Variants in EPHA4 observed in about 807,000 individuals in gnomAD.
EPHA4 encodes EPH receptor A4, also known as ephrin type-A receptor 4.
A neutral mutation model predicts 108.3 loss-of-function variants in EPHA4; 19 were observed. The observed-to-expected ratio is 0.18, with a 90% confidence interval of 0.12 to 0.26. The LOEUF is 0.26. Among genes scored for constraint, EPHA4 ranks in the 10% least tolerant of loss-of-function variants. The pLI, the probability that EPHA4 is intolerant of heterozygous loss-of-function variation, is 1.00. For missense variants in EPHA4, 917 were observed against 1,254.0 expected (o/e 0.73, Z 4.06); for synonymous variants, 449 against 455.5 (o/e 0.99, Z 0.18).
At chr2:221,549,235 T>C (rs1198441363) in intron 3 of EPHA4, among the ~76,000 whole-genome samples, 1 of 152,218 alleles carries the variant, frequency 6.6e-6, no homozygotes, top group Non-Finnish European at 1.5e-5. Flanking sequence ...AGCCAGTGAA[T>C]GTTTGTCCTC....
chr2:221,443,651 C>T (rs1690501453), intron 9 of EPHA4, 45 bp from the exon 10 acceptor site: 1 of 1,364,278 alleles, frequency 7.3e-7, no homozygotes, highest in Admixed American at 1.7e-5. Context: ...TCTAAGGAAC[C>T]ACTAATAAAC....
intron 3 of EPHA4, among the ~76,000 whole-genome samples, chr2:221,520,537 CACACACAGAG>C (rs1293541441): frequency 0.013 from 478 of 35,992 alleles, 1 homozygote; most frequent in African/African-American, 0.043. Context: ...CACACACACA[CACACACAGAG>C]AGAGAGAGAG....
rs541787651 is a variant in EPHA4 at position 221,481,316 on chromosome 2, C to T, written c.1318+1036G>A. On this transcript the variant is annotated intron_variant, in intron 5 of 17. Transcript: ENST00000281821. ...GATGTAGGAATTGGAGGAGACTGGC[C>T]GCCCCACCCTCCGCCCCACCCTCCC... is the stretch of plus-strand genomic sequence containing the variant. Among the ~76,000 whole-genome samples, 480 of 151,772 alleles carry T rather than the reference C, an allele frequency of 3.2e-3. 3 individuals carry two copies. The highest frequency in any genetic ancestry group is 0.011 in the African/African-American group (455 of 41,322).
intron 8 of EPHA4, among the ~76,000 whole-genome samples, chr2:221,446,732 G>A (rs888368659): frequency 5.9e-5 from 9 of 151,984 alleles, no homozygotes; most frequent in South Asian, 4.2e-4. Flanking sequence ...ATACTTTTGC[G>A]GTCACTGGTT....
chr2:221,541,245 T>C (rs73994301), intron 3 of EPHA4, among the ~76,000 whole-genome samples: 11 of 152,278 alleles, frequency 7.2e-5, no homozygotes, highest in African/African-American at 2.6e-4. Context: ...CCACTTTGCC[T>C]GGACTGAGAA....
intron 3 of EPHA4, among the ~76,000 whole-genome samples, chr2:221,524,680 T>G (rs1019271095): frequency 2.0e-5 from 3 of 152,212 alleles, no homozygotes; most frequent in East Asian, 1.9e-4. Flanking sequence ...GGTGCAAATA[T>G]GCTTTAACGG....
At chr2:221,498,734 C>T (rs1258670801) in intron 4 of EPHA4, among the ~76,000 whole-genome samples, 1 of 151,646 alleles carries the variant, frequency 6.6e-6, no homozygotes, top group Non-Finnish European at 1.5e-5. Context: ...CTGCCTCAGC[C>T]TCCCAAGTAG....
intron 2 of EPHA4, among the ~76,000 whole-genome samples, chr2:221,566,978 A>AGAAGAG (rs1317942311): frequency 8.9e-5 from 10 of 112,834 alleles, no homozygotes; most frequent in African/African-American, 2.5e-4. Flanking sequence ...AGGAAGAAGA[A>AGAAGAG]GAAGAAGAAG....
intron 5 of EPHA4, among the ~76,000 whole-genome samples, chr2:221,466,851 A>G (rs1691327776): frequency 2.0e-5 from 3 of 152,244 alleles, no homozygotes; most frequent in Admixed American, 2.0e-4. Context: ...ATTCTCAACC[A>G]CTGATCTACA....
chr2:221,483,618 C>T (rs1039889545), intron 4 of EPHA4, among the ~76,000 whole-genome samples: 2 of 151,628 alleles, frequency 1.3e-5, no homozygotes, highest in South Asian at 2.1e-4. Flanking sequence ...CAGGTTCAAG[C>T]GATTATCATG....
At chr2:221,532,272 G>A (rs1559282130) in intron 3 of EPHA4, among the ~76,000 whole-genome samples, 1 of 152,012 alleles carries the variant, frequency 6.6e-6, no homozygotes, top group Non-Finnish European at 1.5e-5. Context: ...ATAGGCACGT[G>A]CTGCCATGCG....
chr2:221,566,229 GT>G (rs544494422), intron 2 of EPHA4, among the ~76,000 whole-genome samples: 26 of 150,566 alleles, frequency 1.7e-4, no homozygotes, highest in South Asian at 4.2e-4. Flanking sequence ...AAATCAAGTT[GT>G]TTTTTTTTCT....
chr2:221,426,409 G>T, intron 16 of EPHA4, 55 bp downstream of exon 16: 1 of 1,545,878 alleles, frequency 6.5e-7, no homozygotes, highest in Non-Finnish European at 8.7e-7. Context: ...AGCAAAAAAA[G>T]AAAATACTAT....
At chr2:221,500,086 C>T (rs1448931864) in intron 4 of EPHA4, among the ~76,000 whole-genome samples, 1 of 152,078 alleles carries the variant, frequency 6.6e-6, no homozygotes, top group Non-Finnish European at 1.5e-5. Flanking sequence ...TGGCATCATC[C>T]TATGCGATGT....
At chr2:221,521,728 G>A (rs74763254) in intron 3 of EPHA4, among the ~76,000 whole-genome samples, 3,811 of 152,216 alleles carry the variant, frequency 0.025, 75 homozygotes, top group Non-Finnish European at 0.041. Context: ...TAATCTCAGC[G>A]TTTTGGGAGG....
chr2:221,443,251 CAG>C (rs3835975), intron 10 of EPHA4, among the ~76,000 whole-genome samples: 11,887 of 152,094 alleles, frequency 0.078, 607 homozygotes, highest in East Asian at 0.25. Context: ...TAGTAAGAAA[CAG>C]AGTAAATCTT....
At chr2:221,438,550 G>A (rs1690318940) in intron 11 of EPHA4, among the ~76,000 whole-genome samples, 1 of 152,164 alleles carries the variant, frequency 6.6e-6, no homozygotes, top group Non-Finnish European at 1.5e-5. Flanking sequence ...CACTTTGGGA[G>A]GCCGAGGCAG....
chr2:221,437,394 T>C (rs1354039078), intron 11 of EPHA4: 2 of 321,110 alleles, frequency 6.2e-6, no homozygotes, highest in Non-Finnish European at 1.1e-5. Flanking sequence ...AGGGAGCATA[T>C]GAATGGATAA....
intron 11 of EPHA4, among the ~76,000 whole-genome samples, chr2:221,438,146 C>G (rs1230362782): frequency 6.6e-6 from 1 of 152,036 alleles, no homozygotes; most frequent in Non-Finnish European, 1.5e-5. Flanking sequence ...AAATTCAATA[C>G]TAGAACATCC....
Sources: allele counts gnomAD v4.1 joint callset (sites outside exome capture counted in the v4.1 genomes callset), GRCh38; gene constraint gnomAD v4.1.1; transcripts MANE v1.5; gene names NCBI Gene and HGNC (gene_info 2026-07-23, HGNC 2026-07-21).